Variants in SLC4A10 observed in about 807,000 individuals in gnomAD.
SLC4A10 encodes solute carrier family 4 member 10.
Under a neutral mutation model 137.7 loss-of-function variants are expected in SLC4A10, and 42 were observed. The observed-to-expected ratio is 0.30, with a 90% CI of 0.24 to 0.39. The LOEUF (loss-of-function observed/expected upper bound fraction) is 0.39. Ranked by LOEUF, SLC4A10 falls within the 10% of genes least tolerant of loss-of-function variation. The probability of loss-of-function intolerance (pLI) is 1.00; values close to 1 mark genes in which losing one functional copy is unlikely to be tolerated. For missense variants in SLC4A10, 925 were observed against 1,355.0 expected (o/e 0.68, Z 4.98); for synonymous variants, 474 against 464.1 (o/e 1.02, Z -0.27).
chr2:161,774,806 C>T (rs1427118302), intron 2 of SLC4A10, among the ~76,000 whole-genome samples: 6 of 151,880 alleles, frequency 4.0e-5, no homozygotes, highest in African/African-American at 1.4e-4. Context: ...TCCCCATAAT[C>T]CTTCAGTGTT....
intron 24 of SLC4A10, among the ~76,000 whole-genome samples, chr2:161,975,055 G>A (rs150253273): frequency 6.6e-6 from 1 of 152,190 alleles, no homozygotes; most frequent in East Asian, 1.9e-4. Flanking sequence ...TTTATGAGAA[G>A]GGAATTTGTC....
intron 5 of SLC4A10, among the ~76,000 whole-genome samples, chr2:161,861,324 AC>A (rs767522545): frequency 6.6e-6 from 1 of 152,198 alleles, no homozygotes; most frequent in African/African-American, 2.4e-5. Flanking sequence ...TCACAAAAAA[AC>A]AATATATTTC....
At chr2:161,753,824 T>A (rs2049265572) in intron 1 of SLC4A10, among the ~76,000 whole-genome samples, 1 of 151,978 alleles carries the variant, frequency 6.6e-6, no homozygotes, top group African/African-American at 2.4e-5. Context: ...ACTTCCATTT[T>A]AACAGCTCAC....
At chr2:161,668,117 T>C (rs1056591235) in intron 1 of SLC4A10, among the ~76,000 whole-genome samples, 3 of 151,818 alleles carry the variant, frequency 2.0e-5, no homozygotes, top group African/African-American at 7.2e-5. Flanking sequence ...TAAACAACTC[T>C]GGCAACGAAA....
At chr2:161,857,391 A>G (rs998493958) in intron 5 of SLC4A10, among the ~76,000 whole-genome samples, 1 of 152,160 alleles carries the variant, frequency 6.6e-6, no homozygotes, top group Non-Finnish European at 1.5e-5. Flanking sequence ...CCCATTTTTC[A>G]GTGTAGAACA....
At chr2:161,679,688 T>A (rs1167567123) in intron 1 of SLC4A10, among the ~76,000 whole-genome samples, 56 of 135,056 alleles carry the variant, frequency 4.1e-4, no homozygotes, top group African/African-American at 1.6e-3. Context: ...TAGGTCAACG[T>A]GTGTGTGTGT....
At chr2:161,772,943 T>A (rs908471288) in intron 2 of SLC4A10, among the ~76,000 whole-genome samples, 1 of 151,782 alleles carries the variant, frequency 6.6e-6, no homozygotes, top group African/African-American at 2.4e-5. Flanking sequence ...GTATTGTAGT[T>A]CAGCAAGAAT....
intron 1 of SLC4A10, among the ~76,000 whole-genome samples, chr2:161,661,839 AT>A (rs1049832560): frequency 6.6e-6 from 1 of 152,166 alleles, no homozygotes; most frequent in Non-Finnish European, 1.5e-5. Context: ...AGCAAAAAAA[AT>A]ATATATTTTA....
At chr2:161,748,647 T>A in intron 1 of SLC4A10, among the ~76,000 whole-genome samples, 1 of 152,106 alleles carries the variant, frequency 6.6e-6, no homozygotes, top group East Asian at 1.9e-4. Context: ...CATGTCTGTT[T>A]TTGTGCAAAT....
intron 2 of SLC4A10, among the ~76,000 whole-genome samples, chr2:161,797,842 A>G (rs1248413573): frequency 6.6e-6 from 1 of 152,026 alleles, no homozygotes; most frequent in Non-Finnish European, 1.5e-5. Context: ...AAACTAGTAA[A>G]TCTCAGTTAG....
chr2:161,836,111 G>T (rs951892960), intron 3 of SLC4A10, among the ~76,000 whole-genome samples: 1 of 152,214 alleles, frequency 6.6e-6, no homozygotes, highest in Non-Finnish European at 1.5e-5. Context: ...ACAAGCTGTG[G>T]CTATTGTTGA....
At chr2:161,710,171 T>C (rs974846756) in intron 1 of SLC4A10, among the ~76,000 whole-genome samples, 1 of 151,742 alleles carries the variant, frequency 6.6e-6, no homozygotes, top group Non-Finnish European at 1.5e-5. Context: ...TTCTTATTAG[T>C]AGGGAAGATT....
intron 20 of SLC4A10, among the ~76,000 whole-genome samples, chr2:161,958,237 T>C (rs1696010418): frequency 6.6e-6 from 1 of 152,158 alleles, no homozygotes; most frequent in African/African-American, 2.4e-5. Flanking sequence ...TATTAAATAA[T>C]TATAACAACC....
chr2:161,814,456 A>G (rs1006222289), intron 3 of SLC4A10, among the ~76,000 whole-genome samples: 3 of 152,112 alleles, frequency 2.0e-5, no homozygotes, highest in African/African-American at 7.2e-5. Flanking sequence ...GAATCATTCT[A>G]TCAAAAGGCA....
At chr2:161,881,034 G>A (rs2061739110) in intron 9 of SLC4A10, among the ~76,000 whole-genome samples, 2 of 152,022 alleles carry the variant, frequency 1.3e-5, no homozygotes, top group African/African-American at 4.8e-5. Flanking sequence ...CCACTGTAGA[G>A]CAACTGTATG....
chr2:161,963,916 G>A (rs1697151484), intron 21 of SLC4A10, among the ~76,000 whole-genome samples: 1 of 152,198 alleles, frequency 6.6e-6, no homozygotes, highest in East Asian at 1.9e-4. Context: ...ATTGTAACCC[G>A]TCTCCATATT....
intron 23 of SLC4A10, among the ~76,000 whole-genome samples, chr2:161,969,192 A>G (rs1447350442): frequency 6.6e-6 from 1 of 152,188 alleles, no homozygotes; most frequent in African/African-American, 2.4e-5. Flanking sequence ...TCCTATCAGT[A>G]GCCCATTTCT....
At chr2:161,927,788 C>T (rs996732624) in intron 15 of SLC4A10, among the ~76,000 whole-genome samples, 1 of 152,160 alleles carries the variant, frequency 6.6e-6, no homozygotes, top group Non-Finnish European at 1.5e-5. Flanking sequence ...CCATCACTGG[C>T]CATCAGAGAA....
intron 1 of SLC4A10, among the ~76,000 whole-genome samples, chr2:161,672,197 A>G (rs2039805258): frequency 1.3e-5 from 2 of 152,224 alleles, no homozygotes; most frequent in African/African-American, 4.8e-5. Flanking sequence ...CTGTTTAAGC[A>G]TAACAGCCCT....
Sources: gnomAD v4.1 joint callset for allele counts (sites outside exome capture counted in the v4.1 genomes callset) on GRCh38, gnomAD v4.1.1 for gene constraint, MANE v1.5 for transcripts, NCBI Gene and HGNC (gene_info 2026-07-23, HGNC 2026-07-21) for gene names.